The following MEGF11 variants were observed in gnomAD, a reference collection of about 807,000 sequenced individuals.
MEGF11 encodes the protein multiple epidermal growth factor-like domains protein 11.
Under a neutral mutation model 146.6 loss-of-function variants are expected in MEGF11, and 126 were observed. That is an observed-to-expected ratio of 0.86 (90% CI 0.74 to 1.00). MEGF11 has a LOEUF of 1.00. Ranked by LOEUF, MEGF11 falls within the 50% of genes least tolerant of loss-of-function variation. The pLI, the probability that MEGF11 is intolerant of heterozygous loss-of-function variation, is 0.00. For synonymous variants in MEGF11, 532 were observed against 583.4 expected (o/e 0.91, Z 1.27); for missense variants, 1,509 against 1,521.2 (o/e 0.99, Z 0.13).
chr15:65,907,003 G>A (rs1223419565), intron 23 of MEGF11, among the ~76,000 whole-genome samples: 1 of 152,160 alleles, frequency 6.6e-6, no homozygotes, highest in African/African-American at 2.4e-5. Flanking sequence ...GCATTTCTAG[G>A]TTGGGACAGT....
chr15:66,013,033 T>G (rs143402224), intron 5 of MEGF11, among the ~76,000 whole-genome samples: 64 of 152,352 alleles, frequency 4.2e-4, no homozygotes, highest in African/African-American at 1.4e-3. Context: ...CTCTTTCGCC[T>G]TGTCATTTTA....
At chr15:66,103,065 T>A (rs1320374883) in intron 4 of MEGF11, among the ~76,000 whole-genome samples, 1 of 152,144 alleles carries the variant, frequency 6.6e-6, no homozygotes, top group African/African-American at 2.4e-5. Context: ...ACAATAGGGT[T>A]CCCCAGACCA....
chr15:66,110,686 G>C (rs1041008920), intron 4 of MEGF11, among the ~76,000 whole-genome samples: 1 of 152,194 alleles, frequency 6.6e-6, no homozygotes, highest in Non-Finnish European at 1.5e-5. Flanking sequence ...TGACCCAAGA[G>C]AGTGGTGTCA....
At chr15:66,193,235 A>T (rs2090926564) in intron 1 of MEGF11, among the ~76,000 whole-genome samples, 1 of 152,220 alleles carries the variant, frequency 6.6e-6, no homozygotes, top group Non-Finnish European at 1.5e-5. Context: ...TGTTGTGCTC[A>T]CATCCTCCCT....
At chr15:66,248,824 C>T (rs1418420745) in intron 1 of MEGF11, among the ~76,000 whole-genome samples, 1 of 152,196 alleles carries the variant, frequency 6.6e-6, no homozygotes, top group Non-Finnish European at 1.5e-5. Context: ...GGCTGAATTC[C>T]AACTTCCTGC....
intron 5 of MEGF11, among the ~76,000 whole-genome samples, chr15:66,041,989 G>T (rs2083999166): frequency 6.6e-6 from 1 of 152,120 alleles, no homozygotes; most frequent in South Asian, 2.1e-4. Context: ...GATCATAAGG[G>T]TTCATGTACA....
At chr15:66,190,981 G>A (rs2090854077) in intron 1 of MEGF11, among the ~76,000 whole-genome samples, 1 of 86,688 alleles carries the variant, frequency 1.2e-5, no homozygotes, top group South Asian at 3.4e-4. Context: ...AGTGTTCACA[G>A]GGGAGACTAT....
intron 1 of MEGF11, among the ~76,000 whole-genome samples, chr15:66,215,256 C>T (rs1188336354): frequency 6.6e-6 from 1 of 151,968 alleles, no homozygotes; most frequent in Non-Finnish European, 1.5e-5. Flanking sequence ...GTCTCTTAGA[C>T]CTGAGCTTAG....
At chr15:65,942,830 C>A (rs958523724) in intron 10 of MEGF11, among the ~76,000 whole-genome samples, 7 of 152,004 alleles carry the variant, frequency 4.6e-5, no homozygotes, top group African/African-American at 1.5e-4. Context: ...AATGAAGCTT[C>A]CCTGCAAATC....
intron 5 of MEGF11, among the ~76,000 whole-genome samples, chr15:66,057,739 T>A (rs146670376): frequency 6.6e-6 from 1 of 152,264 alleles, no homozygotes; most frequent in Non-Finnish European, 1.5e-5. Context: ...TCTCCTATTA[T>A]TATGATTATG....
At chr15:66,217,075 C>T (rs752228381) in intron 1 of MEGF11, among the ~76,000 whole-genome samples, 3 of 152,244 alleles carry the variant, frequency 2.0e-5, no homozygotes, top group South Asian at 2.1e-4. Flanking sequence ...ACTTCCTCCA[C>T]GTGTTGACAC....
intron 7 of MEGF11, among the ~76,000 whole-genome samples, chr15:65,972,994 G>A (rs1198141241): frequency 2.0e-5 from 3 of 152,028 alleles, no homozygotes; most frequent in Non-Finnish European, 4.4e-5. Flanking sequence ...GCACATGCCT[G>A]TAATCCCAGC....
intron 1 of MEGF11, among the ~76,000 whole-genome samples, chr15:66,216,723 G>A (rs1247076829): frequency 1.3e-5 from 2 of 152,190 alleles, no homozygotes; most frequent in Non-Finnish European, 2.9e-5. Flanking sequence ...AGAAATGGAC[G>A]TATCTCAGGC....
At chr15:66,170,676 C>T (rs933662664) in intron 1 of MEGF11, among the ~76,000 whole-genome samples, 4 of 152,130 alleles carry the variant, frequency 2.6e-5, no homozygotes. Flanking sequence ...TGTCGTCATC[C>T]CTCATAGAAT....
intron 4 of MEGF11, among the ~76,000 whole-genome samples, chr15:66,103,622 G>A (rs2086925817): frequency 6.6e-6 from 1 of 152,066 alleles, no homozygotes; most frequent in African/African-American, 2.4e-5. Context: ...AAGAGGAGTA[G>A]AATATTGTTA....
chr15:65,990,693 GAGAAAGAAAGAAAGGAAGGA>G (rs2082011022), intron 5 of MEGF11, among the ~76,000 whole-genome samples: 1 of 129,230 alleles, frequency 7.7e-6, no homozygotes, highest in Non-Finnish European at 1.6e-5. Flanking sequence ...AAGAAAGGAA[GAGAAAGAAAGAAAGGAAGGA>G]AGAAAGAAAG....
chr15:66,089,961 C>A (rs1252021655), intron 5 of MEGF11, among the ~76,000 whole-genome samples: 1 of 152,226 alleles, frequency 6.6e-6, no homozygotes, highest in East Asian at 1.9e-4. Context: ...AGGTTTATGA[C>A]CAGGCATGCA....
chr15:65,913,556 T>C (rs2078885385), intron 20 of MEGF11, 181 bp downstream of exon 20: 1 of 626,432 alleles, frequency 1.6e-6, no homozygotes, highest in Non-Finnish European at 2.8e-6. Flanking sequence ...CAGGAAACAA[T>C]TTTCCCTTGG....
intron 7 of MEGF11, among the ~76,000 whole-genome samples, chr15:65,976,424 G>A (rs1038456263): frequency 6.6e-6 from 1 of 152,290 alleles, no homozygotes; most frequent in Admixed American, 6.5e-5. Context: ...AGGTAATCAA[G>A]TTAAGATGAG....
Sources: gnomAD v4.1 joint callset for allele counts (sites outside exome capture counted in the v4.1 genomes callset) on GRCh38, gnomAD v4.1.1 for gene constraint, MANE v1.5 for transcripts, NCBI Gene and HGNC (gene_info 2026-07-23, HGNC 2026-07-21) for gene names.